Variants in ZSCAN30 observed in about 807,000 individuals in gnomAD.
ZSCAN30 encodes zinc finger and SCAN domain-containing protein 30.
A neutral mutation model predicts 44.3 loss-of-function variants in ZSCAN30; 37 were observed. The ratio of observed to expected loss-of-function variants is 0.84; its 90% CI spans 0.64 to 1.10. ZSCAN30 has a LOEUF of 1.10. ZSCAN30 is among the 50% of genes least tolerant of loss of function. The probability of loss-of-function intolerance (pLI) is 0.00; values close to 1 mark genes in which losing one functional copy is unlikely to be tolerated. For synonymous variants in ZSCAN30, 181 were observed against 204.6 expected (o/e 0.88, Z 0.98); for missense variants, 549 against 582.6 (o/e 0.94, Z 0.59).
chr18:35,254,663 C>A, intron 3 of ZSCAN30: 1 of 479,706 alleles, frequency 2.1e-6, no homozygotes, highest in South Asian at 2.5e-5. Context: ...GGAATATTGG[C>A]GATAAACCAG....
intron 1 of ZSCAN30, among the ~76,000 whole-genome samples, chr18:35,270,936 G>GT (rs1569077253): frequency 6.6e-6 from 1 of 152,218 alleles, no homozygotes; most frequent in African/African-American, 2.4e-5. Flanking sequence ...GAACTTTGCA[G>GT]TGAGTGTTAA....
At chr18:35,268,339 G>A (rs998394694) in intron 1 of ZSCAN30, 12 of 152,166 alleles carry the variant, frequency 7.9e-5, no homozygotes, top group African/African-American at 2.7e-4. Context: ...CGTATAGAGT[G>A]GATTAAAGGA....
At chr18:35,260,721 A>G (rs1420357977) in intron 3 of ZSCAN30, 3 of 151,880 alleles carry the variant, frequency 2.0e-5, no homozygotes, top group Non-Finnish European at 4.4e-5. Flanking sequence ...TTTCTTGTAA[A>G]TTTGTTTAAG....
At chr18:35,271,701 G>C (rs1270276471) in intron 1 of ZSCAN30, among the ~76,000 whole-genome samples, 1 of 152,248 alleles carries the variant, frequency 6.6e-6, no homozygotes, top group Non-Finnish European at 1.5e-5. Context: ...CACGGAGCAG[G>C]GGGCGGCACC....
At chr18:35,273,824 T>C (rs2044325256) in intron 1 of ZSCAN30, among the ~76,000 whole-genome samples, 1 of 152,264 alleles carries the variant, frequency 6.6e-6, no homozygotes, top group Non-Finnish European at 1.5e-5. Context: ...CATCAAATTC[T>C]TTTCAATCTT....
chr18:35,257,413 G>A (rs1391335383), intron 3 of ZSCAN30: 1 of 154,650 alleles, frequency 6.5e-6, no homozygotes, highest in African/African-American at 2.4e-5. Context: ...ATGGTATTAG[G>A]AAGTGCGGAC....
At position 35,253,121 on chromosome 18, in the gene ZSCAN30, G is replaced by C. The variant is rs929829365; in HGVS notation, c.*329C>G. On this transcript the variant is annotated 3_prime_UTR_variant, in exon 4 of 4. Coordinates refer to ENST00000333206, the MANE Select transcript of ZSCAN30 (RefSeq NM_001112734.4). ...CTTTCAGGATCTCTGCCCCAATCCT[G>C]GCATTACTGTGAAGGTGCCCAATGG... 2 of 201,008 alleles carry C rather than the reference G, an allele frequency of 9.9e-6. No homozygotes were observed. Among genetic ancestry groups the C allele is most frequent in the African/African-American group, 2.3e-5 (1 of 43,240 alleles). The allele number at this position is 201,008 out of a possible 1,614,324, so 12.5% of individuals were successfully genotyped here.
intron 1 of ZSCAN30, among the ~76,000 whole-genome samples, chr18:35,265,007 G>C (rs574464146): frequency 2.0e-5 from 3 of 152,090 alleles, no homozygotes; most frequent in Non-Finnish European, 2.9e-5. Flanking sequence ...TTAGCCGGGC[G>C]TGGTGGCGGG....
intron 1 of ZSCAN30, among the ~76,000 whole-genome samples, chr18:35,273,386 T>C (rs2044317729): frequency 6.6e-6 from 1 of 152,260 alleles, no homozygotes; most frequent in African/African-American, 2.4e-5. Flanking sequence ...CCTTTCTTTT[T>C]AGGGCTGAAT....
At chr18:35,282,816 T>C (rs2044483148) in intron 1 of ZSCAN30, 1 of 152,204 alleles carries the variant, frequency 6.6e-6, no homozygotes, top group Admixed American at 6.5e-5. Context: ...AGGTTCAAGT[T>C]TGTACTTGTG....
chr18:35,266,479 T>C (rs896368948), intron 1 of ZSCAN30, among the ~76,000 whole-genome samples: 1 of 152,050 alleles, frequency 6.6e-6, no homozygotes, highest in African/African-American at 2.4e-5. Flanking sequence ...GGTCAAGGAC[T>C]CAAGTTTGTG....
At chr18:35,267,697 A>G (rs1374723015) in intron 1 of ZSCAN30, 1 of 151,738 alleles carries the variant, frequency 6.6e-6, no homozygotes, top group Non-Finnish European at 1.5e-5. Flanking sequence ...AAGGGTGGGG[A>G]GCATAAGATA....
rs1318183185 is a variant in ZSCAN30, at chr18:35,252,068, GCCCATCAT to G, written c.*1374_*1381del. ...GAAGATAAGATAGGATCTGGAGACAGCCCATCATCAGGACTCTTCTCTCCAGCAGGAAT... is the reference window on the plus strand; with the variant it reads ...GAAGATAAGATAGGATCTGGAGACAGCAGGACTCTTCTCTCCAGCAGGAAT... On this transcript the variant is annotated 3_prime_UTR_variant, in exon 4 of 4. Coordinates refer to ENST00000333206, the MANE Select transcript of ZSCAN30 (RefSeq NM_001112734.4). 6.6e-6 allele frequency: 1 copy of G among 152,166 alleles called. No homozygotes were observed. The highest frequency in any genetic ancestry group is 1.5e-5 in the Non-Finnish European group (1 of 68,034). The allele number at this position is 152,166 out of a possible 1,614,324, so 9.4% of individuals were successfully genotyped here.
intron 1 of ZSCAN30, among the ~76,000 whole-genome samples, chr18:35,271,309 G>A (rs746362124): frequency 6.6e-6 from 1 of 152,130 alleles, no homozygotes; most frequent in African/African-American, 2.4e-5. Flanking sequence ...ACAGGGTGCT[G>A]ATTGGTGCGT....
intron 1 of ZSCAN30, among the ~76,000 whole-genome samples, chr18:35,271,033 G>A (rs768281797): frequency 1.1e-4 from 17 of 152,210 alleles, no homozygotes; most frequent in Admixed American, 7.9e-4. Context: ...GGTCTTGCTA[G>A]CCTCAGGAGT....
chr18:35,254,446 A>G, intron 3 of ZSCAN30, 65 bp from the exon 4 acceptor site: 6 of 1,611,120 alleles, frequency 3.7e-6, no homozygotes, highest in Non-Finnish European at 5.1e-6. Context: ...CTGTTGTAGC[A>G]GGAACACAAA....
intron 1 of ZSCAN30, among the ~76,000 whole-genome samples, chr18:35,285,688 T>C (rs562745641): frequency 3.7e-4 from 57 of 152,058 alleles, no homozygotes; most frequent in Non-Finnish European, 7.5e-4. Context: ...ACATCAGAAT[T>C]TGTGAGATGC....
chr18:35,259,038 G>A (rs1346185929), intron 3 of ZSCAN30: 1 of 154,048 alleles, frequency 6.5e-6, no homozygotes, highest in Non-Finnish European at 1.5e-5. Context: ...TTTTAATATA[G>A]TATGTTTACT....
intron 1 of ZSCAN30, chr18:35,281,079 C>T (rs554460811): frequency 6.6e-6 from 1 of 152,362 alleles, no homozygotes; most frequent in African/African-American, 2.4e-5. Flanking sequence ...TTGAGAATCA[C>T]TGCTCTAGAG....
Sources: gnomAD v4.1 joint callset for allele counts (sites outside exome capture counted in the v4.1 genomes callset) on GRCh38, gnomAD v4.1.1 for gene constraint, MANE v1.5 for transcripts, NCBI Gene and HGNC (gene_info 2026-07-23, HGNC 2026-07-21) for gene names.